Variants in JPH3 observed in about 807,000 individuals in gnomAD.
JPH3 encodes the protein junctophilin 3, also known as junctophilin-3.
Under a neutral mutation model 59.6 loss-of-function variants are expected in JPH3, and 11 were observed. The observed-to-expected ratio is 0.18, with a 90% confidence interval of 0.12 to 0.31. The LOEUF (loss-of-function observed/expected upper bound fraction) is 0.31, where lower values mean the gene tolerates loss of function less well. Among genes scored for constraint, JPH3 ranks in the 10% least tolerant of loss-of-function variants. The probability of loss-of-function intolerance (pLI) is 1.00; values close to 1 mark genes in which losing one functional copy is unlikely to be tolerated. For missense variants in JPH3, 1,202 were observed against 1,105.7 expected (o/e 1.09, Z -1.24); for synonymous variants, 673 against 483.6 (o/e 1.39, Z -5.14).
chr16:87,620,345 T>C (rs1380894927), intron 1 of JPH3, among the ~76,000 whole-genome samples: 2 of 89,914 alleles, frequency 2.2e-5, no homozygotes. Context: ...CCTGGTGTCA[T>C]GGGCCAGAGC....
intron 2 of JPH3, among the ~76,000 whole-genome samples, chr16:87,676,419 G>A (rs921158307): frequency 2.0e-5 from 3 of 152,078 alleles, no homozygotes; most frequent in Non-Finnish European, 2.9e-5. Context: ...TATCATTTAC[G>A]GTACCTTCAT....
At position 87,645,974 on chromosome 16, in the gene JPH3, G is replaced by A. The variant is rs150780133; in HGVS notation, c.1160+939G>A. On this transcript the variant is annotated intron_variant, in intron 2 of 4. Transcript: ENST00000284262. ...AAACCCAGAGCCTTTGCTTTCCACC[G>A]GCATTTGCTTTCCTGGGCCAGACGA... Among the ~76,000 whole-genome samples, 33 of 152,368 alleles carry A rather than the reference G, an allele frequency of 2.2e-4. No individual in the cohort carries two copies. The East Asian group carries it at 5.6e-3, about 26-fold the overall frequency.
intron 2 of JPH3, chr16:87,653,549 GA>G (rs927859247): frequency 1.2e-4 from 19 of 152,292 alleles, no homozygotes; most frequent in African/African-American, 4.6e-4. Flanking sequence ...AATGGAGGGG[GA>G]TATTTTTAGT....
At chr16:87,696,085 T>C (rs1054647365) in intron 4 of JPH3, 7 of 456,906 alleles carry the variant, frequency 1.5e-5, no homozygotes, top group Non-Finnish European at 1.8e-5. Context: ...TTGAGGACAC[T>C]GTGCTCACGG....
chr16:87,660,202 A>G (rs2032657014), intron 2 of JPH3, among the ~76,000 whole-genome samples: 2 of 152,274 alleles, frequency 1.3e-5, no homozygotes, highest in Admixed American at 1.3e-4. Flanking sequence ...AGTAATACGG[A>G]GAGAACTTTG....
In JPH3 at chr16:87,602,678, G is replaced by T. The variant is rs2030280913; in HGVS notation, c.-469G>T. On this transcript the variant is annotated 5_prime_UTR_variant, in exon 1 of 5. Transcript: ENST00000284262. ...CCCGTGCCGCCGCCGCCGCCCGCGGGCCCCGCCGCCGCCCTCGGGCGCCCG... is the reference window on the plus strand; with the variant it reads ...CCCGTGCCGCCGCCGCCGCCCGCGGTCCCCGCCGCCGCCCTCGGGCGCCCG... 1.5e-5 allele frequency among the ~76,000 whole-genome samples: 2 copies of T among 133,198 alleles called. No individual in the cohort carries two copies. Among genetic ancestry groups the T allele is most frequent in the South Asian group, 2.3e-4 (1 of 4,270 alleles). The allele number at this position is 133,198 out of a possible 152,430, so 87.4% of individuals were successfully genotyped here. A position where few individuals can be genotyped will look rare whatever the true frequency, so the allele number is the denominator to read the frequency against.
chr16:87,675,954 A>G (rs192587254), intron 2 of JPH3, among the ~76,000 whole-genome samples: 269 of 152,376 alleles, frequency 1.8e-3, no homozygotes, highest in Admixed American at 3.7e-3. Flanking sequence ...TGAAACAACA[A>G]CAGCAAGAAG....
chr16:87,691,826 C>T (rs1478440971), intron 4 of JPH3, among the ~76,000 whole-genome samples: 1 of 152,086 alleles, frequency 6.6e-6, no homozygotes, highest in Admixed American at 6.5e-5. Context: ...TTTTCCCCAT[C>T]GCAGCCGGAG....
rs926563309 is a variant in JPH3, at chr16:87,690,025, C to G, written c.1665C>G (p.Asp555Glu). ...TGCGCGGCGGCCTGCTCGTGGATGA[C>G]TTCCGCACCCGAGGTTCGGGCCGCA... ...GALRGGLLVD[D>E]FRTRGSGRKQ... The change falls in exon 4 of 5, where the codon GAC becomes GAG. Residue 555 changes from aspartate to glutamate, a missense_variant. Transcript: ENST00000284262. 6 of 1,538,850 alleles carry G rather than the reference C, an allele frequency of 3.9e-6. No homozygotes were observed. In the African/African-American group the frequency reaches 4.1e-5, roughly 11 times the overall value.
chr16:87,668,490 C>T (rs891873772), intron 2 of JPH3, among the ~76,000 whole-genome samples: 2 of 152,186 alleles, frequency 1.3e-5, no homozygotes, highest in African/African-American at 2.4e-5. Flanking sequence ...AAGCTTCACT[C>T]GGCATGGCGT....
At chr16:87,692,453 C>T in intron 4 of JPH3, among the ~76,000 whole-genome samples, 1 of 152,232 alleles carries the variant, frequency 6.6e-6, no homozygotes, top group East Asian at 1.9e-4. Context: ...TCTGCAGTGT[C>T]TCCCCTGGGC....
At chr16:87,647,571 C>G (rs540571045) in intron 2 of JPH3, among the ~76,000 whole-genome samples, 1 of 152,190 alleles carries the variant, frequency 6.6e-6, no homozygotes, top group Non-Finnish European at 1.5e-5. Context: ...TCCCTTCGCC[C>G]GAGCGGGCGT....
chr16:87,612,268 C>T (rs1426171220), intron 1 of JPH3, among the ~76,000 whole-genome samples: 2 of 152,242 alleles, frequency 1.3e-5, no homozygotes, highest in East Asian at 3.9e-4. Context: ...GGACTGCAGG[C>T]ATGCACCCCC....
chr16:87,677,856 G>A (rs182195276), intron 2 of JPH3, among the ~76,000 whole-genome samples: 7 of 152,344 alleles, frequency 4.6e-5, no homozygotes, highest in South Asian at 2.1e-4. Context: ...AGGTAAAGCC[G>A]GAGGCCTGAG....
chr16:87,614,675 C>T (rs946492435), intron 1 of JPH3, among the ~76,000 whole-genome samples: 42 of 149,662 alleles, frequency 2.8e-4, no homozygotes, highest in African/African-American at 7.7e-4. Flanking sequence ...TCCCTGCACA[C>T]GTGAGGAGCC....
intron 1 of JPH3, among the ~76,000 whole-genome samples, chr16:87,616,177 A>G (rs78553132): frequency 1.0e-3 from 146 of 145,948 alleles, no homozygotes; most frequent in African/African-American, 3.6e-3. Flanking sequence ...CAGAACAGCA[A>G]CGCAATCTGG....
chr16:87,638,906 G>A (rs971098162), intron 1 of JPH3, among the ~76,000 whole-genome samples: 2 of 152,040 alleles, frequency 1.3e-5, no homozygotes, highest in Non-Finnish European at 2.9e-5. Flanking sequence ...AGGATGTGAA[G>A]TGTGGCCCCC....
At chr16:87,683,495 G>A (rs988170379) in intron 2 of JPH3, among the ~76,000 whole-genome samples, 1 of 151,966 alleles carries the variant, frequency 6.6e-6, no homozygotes, top group Admixed American at 6.6e-5. Flanking sequence ...TAGTAGAGAC[G>A]GAGTTTCACC....
Position 87,644,431 on chromosome 16 carries a change from G to C in JPH3, c.556G>C (p.Ala186Pro), listed in dbSNP as rs537168569. 5.6e-6 allele frequency: 9 copies of C among 1,612,060 alleles called. No individual in the cohort carries two copies. In the East Asian group the frequency reaches 1.8e-4, roughly 32 times the overall value. Residue 186 changes from alanine to proline, a missense_variant, in exon 2 of 5, where the codon GCC (alanine) becomes CCC (proline). Coordinates refer to ENST00000284262, the MANE Select transcript of JPH3 (RefSeq NM_020655.4). ...ALHPDASPAV[A>P]GSPAVSRGGF... ...GCATCCCGACGCCTCTCCGGCGGTGGCCGGCAGCCCGGCCGTGTCCCGCGG... is the reference window on the plus strand; with the variant it reads ...GCATCCCGACGCCTCTCCGGCGGTGCCCGGCAGCCCGGCCGTGTCCCGCGG...
Sources: allele counts gnomAD v4.1 joint callset (sites outside exome capture counted in the v4.1 genomes callset), GRCh38; gene constraint gnomAD v4.1.1; transcripts MANE v1.5; gene names NCBI Gene and HGNC (gene_info 2026-07-23, HGNC 2026-07-21).